Variants in GPR55 observed in about 807,000 individuals in gnomAD.
GPR55 encodes G protein-coupled receptor 55, also known as G-protein coupled receptor 55.
In GPR55, 6 loss-of-function variants were observed where a neutral mutation model predicts 7.9. That is an observed-to-expected ratio of 0.76 (90% CI 0.41 to 1.49). The LOEUF is 1.49. Ranked by LOEUF, GPR55 falls within the 40% of genes most tolerant of loss-of-function variation. The pLI is 0.01. For synonymous variants in GPR55, 183 were observed against 166.8 expected, an observed-to-expected ratio of 1.10 and a Z score of -0.75; for missense variants, 376 against 406.0, an observed-to-expected ratio of 0.93 and a Z score of 0.63.
intron 1 of GPR55, among the ~76,000 whole-genome samples, chr2:230,933,463 C>T (rs1691084129): frequency 6.6e-6 from 1 of 152,224 alleles, no homozygotes; most frequent in South Asian, 2.1e-4. Flanking sequence ...GCTGGGCAGC[C>T]TGGCAGGCCC....
At chr2:230,933,137 C>T (rs1185517323) in intron 1 of GPR55, among the ~76,000 whole-genome samples, 6 of 66,690 alleles carry the variant, frequency 9.0e-5, no homozygotes, top group African/African-American at 2.4e-4. Flanking sequence ...TGTGCCCTGT[C>T]GCCTCCTGTG....
chr2:230,941,924 TG>T (rs1691239591), intron 1 of GPR55, among the ~76,000 whole-genome samples: 1 of 152,190 alleles, frequency 6.6e-6, no homozygotes, highest in African/African-American at 2.4e-5. Flanking sequence ...GATGAGTTAT[TG>T]ACTGATCATT....
rs1315435081 is a variant in GPR55, at chr2:230,910,889, G to A, written c.74C>T (p.Ala25Val). Residue 25 changes from alanine to valine, a missense_variant, in exon 2 of 2, where the codon GCA becomes GTA. Transcript: ENST00000650999. The surrounding 1 kb of genome is among the most constrained non-coding windows in gnomAD (Gnocchi z 5.4). ...VNELMKTLQFAVHIPTFVLGL... is the reference protein window; with the variant it reads ...VNELMKTLQFVVHIPTFVLGL... ...CAGGACGAAGGTGGGGATGTGGACT[G>A]CAAACTGTAGGGTTTTCATCAGCTC... The A allele has an allele frequency of 1.2e-6, 2 of 1,613,918 alleles. No homozygotes were observed. Among genetic ancestry groups the A allele is most frequent in the Non-Finnish European group, 1.7e-6 (2 of 1,179,904 alleles).
chr2:230,954,470 T>C (rs1691450279), intron 1 of GPR55, among the ~76,000 whole-genome samples: 1 of 152,174 alleles, frequency 6.6e-6, no homozygotes, highest in Non-Finnish European at 1.5e-5. Flanking sequence ...GGCCTTAAAC[T>C]TTTTATTTTT....
At position 230,960,341 on chromosome 2, in the gene GPR55, T is replaced by C. The variant is rs75456228; in HGVS notation, c.-135+434A>G. ...CTGACCATCAGCCAGGAAGGTAAGATACAGAAGTTACTGAGGCTTCCAGTA... is the reference window on the plus strand; with the variant it reads ...CTGACCATCAGCCAGGAAGGTAAGACACAGAAGTTACTGAGGCTTCCAGTA... On this transcript the variant is annotated intron_variant, in intron 1 of 1. Transcript: ENST00000392039. 9.3e-3 allele frequency among the ~76,000 whole-genome samples: 1,412 copies of C among 152,324 alleles called. 24 individuals carry two copies. Among genetic ancestry groups the C allele is most frequent in the African/African-American group, 0.032 (1,312 of 41,572 alleles).
chr2:230,913,690 A>G (rs1270840316), intron 1 of GPR55, among the ~76,000 whole-genome samples: 1 of 152,216 alleles, frequency 6.6e-6, no homozygotes, highest in Non-Finnish European at 1.5e-5. Context: ...CTCACTAAAC[A>G]TGCTGAAATG....
chr2:230,910,944 T>G lies in GPR55; in HGVS notation c.19A>C (p.Ser7Arg). MSQQNT[S>R]GDCLFDGVNE... Reference sequence around the variant, plus strand: ...ACACCGTCAAACAGGCAGTCCCCACTGGTGTTTTGCTGACTCATGTTTCTT... The same window carrying G: ...ACACCGTCAAACAGGCAGTCCCCACGGGTGTTTTGCTGACTCATGTTTCTT... The change falls in exon 2 of 2, where the codon AGT (serine) becomes CGT (arginine). Residue 7 changes from serine (S) to arginine (R), a missense_variant. Transcript: ENST00000650999. The surrounding 1 kb of genome is among the most constrained non-coding windows in gnomAD (Gnocchi z 5.4). The G allele has an allele frequency of 6.2e-7, 1 of 1,601,860 alleles. No individual in the cohort carries two copies. The highest frequency in any genetic ancestry group is 8.5e-7 in the Non-Finnish European group (1 of 1,170,716).
At position 230,923,527 on chromosome 2, in the gene GPR55, G is replaced by C. The variant is rs1011876823; in HGVS notation, c.-135+1641C>G. On this transcript the variant is annotated intron_variant, in intron 1 of 1. Coordinates refer to ENST00000650999, the MANE Select transcript of GPR55 (RefSeq NM_005683.4). The surrounding 1 kb of genome is among the most constrained non-coding windows in gnomAD (Gnocchi z 4.1). Reference sequence around the variant, plus strand: ...GCTTCTGGGGGCCACGATAGAAGAAGGAACAGGACACAGAGGGGACAGAGC... The same window carrying C: ...GCTTCTGGGGGCCACGATAGAAGAACGAACAGGACACAGAGGGGACAGAGC... 2.6e-5 allele frequency among the ~76,000 whole-genome samples: 4 copies of C among 152,148 alleles called. No homozygotes were observed. Among genetic ancestry groups the C allele is most frequent in the African/African-American group, 9.7e-5 (4 of 41,424 alleles).
upstream of GPR55, among the ~76,000 whole-genome samples, chr2:230,928,172 C>T (rs116588957): frequency 0.016 from 2,377 of 152,234 alleles, 51 homozygotes; most frequent in African/African-American, 0.054. Flanking sequence ...GGGCACGGGC[C>T]GCCCCGGGGT....
rs1690547935 is a variant in GPR55, at chr2:230,910,031, A to C, written c.932T>G (p.Leu311Arg). 1.9e-6 allele frequency: 3 copies of C among 1,613,948 alleles called. No homozygotes were observed. Among genetic ancestry groups the C allele is most frequent in the Non-Finnish European group, 2.5e-6 (3 of 1,179,854 alleles). Reference sequence around the variant, plus strand: ...GCCCCGGGAGATCGTGGTGTCCTGCAGGACCAGCTGGACCCTGGAAGGCCG... The same window carrying C: ...GCCCCGGGAGATCGTGGTGTCCTGCCGGACCAGCTGGACCCTGGAAGGCCG... ...AHRPSRVQLVLQDTTISRG is the reference protein window; with the variant it reads ...AHRPSRVQLVRQDTTISRG Residue 311 changes from leucine (L) to arginine (R), a missense_variant, in exon 2 of 2, where the codon CTG becomes CGG. Coordinates refer to ENST00000650999, the MANE Select transcript of GPR55 (RefSeq NM_005683.4). The surrounding 1 kb of genome is among the most constrained non-coding windows in gnomAD (Gnocchi z 5.4).
intron 1 of GPR55, among the ~76,000 whole-genome samples, chr2:230,952,359 A>G (rs995180016): frequency 6.6e-6 from 1 of 152,250 alleles, no homozygotes; most frequent in African/African-American, 2.4e-5. Flanking sequence ...GGTGTGATCC[A>G]GAAGTCAGCT....
At chr2:230,952,701 C>T (rs1691423027) in intron 1 of GPR55, among the ~76,000 whole-genome samples, 1 of 152,210 alleles carries the variant, frequency 6.6e-6, no homozygotes, top group East Asian at 1.9e-4. Flanking sequence ...TTCCATCGGG[C>T]ATCTGCACAG....
At chr2:230,935,166 C>T (rs1223502236) in intron 1 of GPR55, among the ~76,000 whole-genome samples, 1 of 152,186 alleles carries the variant, frequency 6.6e-6, no homozygotes, top group Non-Finnish European at 1.5e-5. Context: ...CAAGAGAAGG[C>T]TCCTGGCGCT....
Position 230,909,825 on chromosome 2 carries a change from C to A in GPR55, c.*178G>T. The A allele has an allele frequency of 1.6e-6, 1 of 634,490 alleles. No homozygotes were observed. Among genetic ancestry groups the A allele is most frequent in the Non-Finnish European group, 2.7e-6 (1 of 365,160 alleles). The allele number at this position is 634,490 out of a possible 1,614,324, so 39.3% of individuals were successfully genotyped here. A position where few individuals can be genotyped will look rare whatever the true frequency, so the allele number is the denominator to read the frequency against. On this transcript the variant is annotated 3_prime_UTR_variant, in exon 2 of 2. Coordinates refer to ENST00000650999, the MANE Select transcript of GPR55 (RefSeq NM_005683.4). ...CACTGGGTGGTATAAGCTGTCTGGG[C>A]AGTGGAAAAAAGGTCTTTGGGGTAT...
intron 1 of GPR55, among the ~76,000 whole-genome samples, chr2:230,931,665 C>T (rs1202972161): frequency 6.6e-6 from 1 of 152,162 alleles, no homozygotes; most frequent in East Asian, 1.9e-4. Flanking sequence ...GACCGCTGCA[C>T]CCACGAGGGC....
chr2:230,955,746 G>A (rs928918641), intron 1 of GPR55, among the ~76,000 whole-genome samples: 35 of 152,096 alleles, frequency 2.3e-4, no homozygotes, highest in African/African-American at 7.7e-4. Context: ...TTTGAGACGG[G>A]GTCTCATTCC....
At chr2:230,955,361 T>A (rs894217339) in intron 1 of GPR55, among the ~76,000 whole-genome samples, 1 of 152,254 alleles carries the variant, frequency 6.6e-6, no homozygotes, top group African/African-American at 2.4e-5. Flanking sequence ...GAGTCCTTGT[T>A]ATGGGCACAC....
Position 230,940,934 on chromosome 2 carries a change from C to T in GPR55, c.-135+19841G>A, listed in dbSNP as rs546590000. 1.0e-3 allele frequency among the ~76,000 whole-genome samples: 156 copies of T among 152,154 alleles called. 2 individuals carry two copies. The highest frequency in any genetic ancestry group is 3.6e-3 in the African/African-American group (148 of 41,494). On this transcript the variant is annotated intron_variant, in intron 1 of 1. Transcript: ENST00000392039. ...GAGTTCTAGACCAGCCTGGGCAATA[C>T]GGTGAAACCCCATCTCTATTAAAAT... is the stretch of plus-strand genomic sequence containing the variant.
At chr2:230,952,393 C>T (rs1691417070) in intron 1 of GPR55, among the ~76,000 whole-genome samples, 1 of 152,228 alleles carries the variant, frequency 6.6e-6, no homozygotes, top group Non-Finnish European at 1.5e-5. Context: ...GCCTTGAACT[C>T]TACATGAGGT....
Sources: allele counts gnomAD v4.1 joint callset (sites outside exome capture counted in the v4.1 genomes callset), GRCh38; gene constraint gnomAD v4.1.1; non-coding constraint Gnocchi (gnomAD v3.1); transcripts MANE v1.5; gene names NCBI Gene and HGNC (gene_info 2026-07-23, HGNC 2026-07-21).